RNF126: variants seen among roughly 807,000 people sequenced by gnomAD.
RNF126 encodes ring finger protein 126, also known as E3 ubiquitin-protein ligase RNF126.
A neutral mutation model predicts 41.9 loss-of-function variants in RNF126; 20 were observed. The ratio of observed to expected loss-of-function variants is 0.48; its 90% CI spans 0.34 to 0.69. The LOEUF (loss-of-function observed/expected upper bound fraction) is 0.69. Among genes scored for constraint, RNF126 ranks in the 30% least tolerant of loss-of-function variants. The pLI, the probability that RNF126 is intolerant of heterozygous loss-of-function variation, is 0.01. For synonymous variants in RNF126, 239 were observed against 202.9 expected (o/e 1.18, Z -1.51); for missense variants, 433 against 460.6 (o/e 0.94, Z 0.55).
At position 657,556 on chromosome 19, in the gene RNF126, C is replaced by T. The variant is rs191654464; in HGVS notation, c.76-4672G>A. Among the ~76,000 whole-genome samples the T allele has an allele frequency of 1.1e-3, 163 of 152,344 alleles. 3 individuals are homozygous for T. Among genetic ancestry groups the T allele is most frequent in the East Asian group, 1.9e-4 (1 of 5,180 alleles). ...CTCCAGCGTCGGGGCCTGTGCACGTCGGCCCTGCTGCTGGAACGCCCACCC... is the reference window on the plus strand; with the variant it reads ...CTCCAGCGTCGGGGCCTGTGCACGTTGGCCCTGCTGCTGGAACGCCCACCC... On this transcript the variant is annotated intron_variant, in intron 1 of 8. Transcript: ENST00000292363.
At chr19:660,239 C>G (rs556539474) in intron 1 of RNF126, among the ~76,000 whole-genome samples, 4 of 152,394 alleles carry the variant, frequency 2.6e-5, no homozygotes, top group Admixed American at 2.6e-4. Flanking sequence ...CGAATCGCAT[C>G]ACTAAACCCA....
Position 657,459 on chromosome 19 carries a change from G to A in RNF126, c.76-4575C>T, listed in dbSNP as rs551669645. 1.2e-4 allele frequency among the ~76,000 whole-genome samples: 19 copies of A among 152,312 alleles called. No individual in the cohort carries two copies. In the East Asian group the frequency reaches 3.5e-3, roughly 28 times the overall value. On this transcript the variant is annotated intron_variant, in intron 1 of 8. Transcript: ENST00000292363. The stretch of plus-strand genomic sequence containing the variant: ...CAGCCCTGGCCTCCTCTTGGCCCCC[G>A]CTGTCCTGCCCGCAGCGGCCGTGGG...
At position 648,151 on chromosome 19, in the gene RNF126, C is replaced by T. The variant is rs2030054295; in HGVS notation, c.913G>A (p.Glu305Lys). ...GCTCACGAGTTGCTTGTGGCGTTCT[C>T]GTTGCTGGGCGAGCTGGAGGAGGAC... ...SSSSSSSPSN[E>K]NATSNS The change falls in exon 9 of 9, where the codon GAG (glutamate) becomes AAG (lysine). Residue 305 changes from glutamate (E) to lysine (K), a missense_variant. Around this residue, in one of 5 missense-constraint regions of RNF126, gnomAD observed 63 missense variants for 47.9 expected, o/e 1.32. Transcript: ENST00000292363. 9 of 1,598,122 alleles carry T rather than the reference C, an allele frequency of 5.6e-6. No homozygotes were observed. Among genetic ancestry groups the T allele is most frequent in the Non-Finnish European group, 5.1e-6 (6 of 1,170,258 alleles).
intron 1 of RNF126, among the ~76,000 whole-genome samples, chr19:661,030 T>C (rs746509826): frequency 7.2e-5 from 11 of 152,254 alleles, no homozygotes; most frequent in Non-Finnish European, 1.3e-4. Flanking sequence ...CACTGTTCCA[T>C]GCTGGCTCCC....
At chr19:648,302 G>C (rs770798112) in intron 8 of RNF126, 25 bp from the exon 9 acceptor site, 20 of 1,546,128 alleles carry the variant, frequency 1.3e-5, no homozygotes, top group Non-Finnish European at 1.7e-5. Context: ...AGGCAGGGAC[G>C]GGAGAAGGGG....
At position 661,032 on chromosome 19, in the gene RNF126, C is replaced by G. The variant is rs147800167; in HGVS notation, c.75+2015G>C. Among the ~76,000 whole-genome samples the G allele has an allele frequency of 5.3e-4, 80 of 152,372 alleles. 2 individuals are homozygous for G. In the East Asian group the frequency reaches 0.015, roughly 29 times the overall value. On this transcript the variant is annotated intron_variant, in intron 1 of 8. Transcript: ENST00000292363. Reference sequence around the variant, plus strand: ...AATATTTGTCAATCACTGTTCCATGCTGGCTCCCTGGCCAGCCTGTAAATT... The same window carrying G: ...AATATTTGTCAATCACTGTTCCATGGTGGCTCCCTGGCCAGCCTGTAAATT...
At chr19:661,439 C>T (rs2030797433) in intron 1 of RNF126, 1 of 152,300 alleles carries the variant, frequency 6.6e-6, no homozygotes, top group Non-Finnish European at 1.5e-5. Context: ...GAGCGAGACC[C>T]CTGGGAGACA....
intron 1 of RNF126, among the ~76,000 whole-genome samples, chr19:658,273 G>A (rs1376401316): frequency 5.9e-5 from 9 of 152,102 alleles, no homozygotes; most frequent in African/African-American, 1.9e-4. Context: ...TCATCCACGG[G>A]GCCTGCACGG....
At chr19:649,115 C>A in intron 6 of RNF126, 140 bp from the exon 7 acceptor site, 3 of 398,952 alleles carry the variant, frequency 7.5e-6, no homozygotes, top group South Asian at 2.0e-4. Context: ...CGCCCGGGGT[C>A]GGAGATCACT....
chr19:659,190 C>CGGCCA lies in RNF126; in HGVS notation c.75+3852_75+3856dup, dbSNP rs1200424828. ...AACCGCAGACACACAGAGCAAGCAG[C>CGGCCA]GGCCAGAGACAGACCCAGGCCGTCT... is the stretch of plus-strand genomic sequence containing the variant. On this transcript the variant is annotated intron_variant, in intron 1 of 8. Coordinates refer to ENST00000292363, the MANE Select transcript of RNF126 (RefSeq NM_194460.3). The surrounding 1 kb of genome is among the most constrained non-coding windows in gnomAD (Gnocchi z 4.9). Among the ~76,000 whole-genome samples, 5 of 152,118 alleles carry CGGCCA rather than the reference C, an allele frequency of 3.3e-5. No homozygotes were observed. The highest frequency in any genetic ancestry group is 1.2e-4 in the African/African-American group (5 of 41,404).
chr19:647,969 C>T lies in RNF126; in HGVS notation c.*159G>A, dbSNP rs775490673. 3.0e-5 allele frequency: 27 copies of T among 902,224 alleles called. No individual in the cohort carries two copies. The East Asian group carries it at 4.0e-4, about 13-fold the overall frequency. 55.9% of individuals were successfully genotyped at this position (902,224 alleles called of 1,614,324 possible). A position where few individuals can be genotyped will look rare whatever the true frequency, so the allele number is the denominator to read the frequency against. The stretch of plus-strand genomic sequence containing the variant: ...CCCACGCCTTCCCAAGCCAGGGGGC[C>T]GGTGGGCCGGGCCCGGGTCCTGCCC... On this transcript the variant is annotated 3_prime_UTR_variant, in exon 9 of 9. Transcript: ENST00000292363.
Position 648,365 on chromosome 19 carries a change from C to T in RNF126, c.786+7G>A, listed in dbSNP as rs2030078572. The T allele has an allele frequency of 2.0e-6, 3 of 1,531,514 alleles. No individual in the cohort carries two copies. The highest frequency in any genetic ancestry group is 1.7e-6 in the Non-Finnish European group (2 of 1,143,972). 94.9% of individuals were successfully genotyped at this position (1,531,514 alleles called of 1,614,324 possible). ...GGGGTGGGGGGGCGGGTGGGCGGGG[C>T]ACTCACCTGCTCCAGCCAGGGCACG... On this transcript the variant is annotated splice_region_variant and intron_variant, in intron 8 of 8. Transcript: ENST00000292363.
intron 1 of RNF126, among the ~76,000 whole-genome samples, chr19:657,210 G>A (rs1044876960): frequency 2.0e-5 from 3 of 152,210 alleles, no homozygotes; most frequent in Non-Finnish European, 2.9e-5. Flanking sequence ...CCCCAGCCCC[G>A]AATCTCTCCT....
chr19:661,070 A>G (rs1017831786), intron 1 of RNF126, among the ~76,000 whole-genome samples: 11 of 152,224 alleles, frequency 7.2e-5, no homozygotes, highest in African/African-American at 2.7e-4. Context: ...GTGAGGGCAA[A>G]GACCACAGCG....
chr19:662,387 G>A (rs1202740162), intron 1 of RNF126, among the ~76,000 whole-genome samples: 2 of 152,312 alleles, frequency 1.3e-5, no homozygotes, highest in South Asian at 2.1e-4. Flanking sequence ...TGGAGGAAGG[G>A]TGGGCTGCGC....
intron 1 of RNF126, among the ~76,000 whole-genome samples, chr19:656,768 C>A (rs969688361): frequency 5.9e-5 from 9 of 152,240 alleles, no homozygotes; most frequent in Admixed American, 4.6e-4. Flanking sequence ...TCTCCCCAGG[C>A]GTCGGTTCTT....
chr19:648,890 T>A lies in RNF126; in HGVS notation c.662A>T (p.Glu221Val). 1 of 1,435,542 alleles carries A rather than the reference T, an allele frequency of 7.0e-7. No individual in the cohort carries two copies. The highest frequency in any genetic ancestry group is 9.2e-7 in the Non-Finnish European group (1 of 1,092,542). The allele number at this position is 1,435,542 out of a possible 1,614,324, so 88.9% of individuals were successfully genotyped here. Residue 221 changes from glutamate (E) to valine (V), a missense_variant, in exon 7 of 9, where the codon GAG becomes GTG. By Grantham distance (121) the Glu-to-Val change is moderately radical. Around this residue, in one of 5 missense-constraint regions of RNF126, gnomAD observed 97 missense variants for 121.7 expected, o/e 0.80. Transcript: ENST00000292363. ...QALPTVPVTE[E>V]HVGSGLECPV... ...AGGCTGAGCTCTCATACCTACGTGC[T>A]CCTCAGTGACGGGGACGGTGGGGAG...
At chr19:658,015 C>G (rs574030099) in intron 1 of RNF126, among the ~76,000 whole-genome samples, 4 of 152,152 alleles carry the variant, frequency 2.6e-5, no homozygotes, top group African/African-American at 9.6e-5. Flanking sequence ...CCGGGGGCAG[C>G]ACGCACTGGG....
In RNF126 at chr19:650,365, G is replaced by T. The variant is rs535641949; in HGVS notation, c.444-69C>A. 5.7e-6 allele frequency: 8 copies of T among 1,415,916 alleles called. No homozygotes were observed. In the Admixed American group the frequency reaches 1.7e-4, roughly 30 times the overall value. The allele number at this position is 1,415,916 out of a possible 1,614,324, so 87.7% of individuals were successfully genotyped here. A position where few individuals can be genotyped will look rare whatever the true frequency, so the allele number is the denominator to read the frequency against. ...ACAGGAGAGGCGCCAGGCCTGCCAG[G>T]TCCGTGGTGAGCACCAAGGGCAGGG... On this transcript the variant is annotated intron_variant, in intron 4 of 8. Transcript: ENST00000292363.
Sources: allele counts gnomAD v4.1 joint callset (sites outside exome capture counted in the v4.1 genomes callset), GRCh38; gene constraint gnomAD v4.1.1; regional missense constraint gnomAD v4.1.1; non-coding constraint Gnocchi (gnomAD v3.1); transcripts MANE v1.5; gene names NCBI Gene and HGNC (gene_info 2026-07-23, HGNC 2026-07-21).